Variants in NPAS2 observed in about 807,000 individuals in gnomAD.
NPAS2 encodes the protein neuronal PAS domain-containing protein 2.
NPAS2 carries 23 observed loss-of-function variants against 107.5 expected under a neutral mutation model. The ratio of observed to expected loss-of-function variants is 0.21; its 90% CI spans 0.15 to 0.30. The LOEUF is 0.30. Among genes scored for constraint, NPAS2 ranks in the 10% least tolerant of loss-of-function variants. The pLI is 1.00. For synonymous variants in NPAS2, 403 were observed against 417.5 expected (o/e 0.97, Z 0.42); for missense variants, 756 against 1,043.3 (o/e 0.72, Z 3.79).
chr2:100,980,508 T>C (rs994359909), intron 15 of NPAS2, among the ~76,000 whole-genome samples: 3 of 152,102 alleles, frequency 2.0e-5, no homozygotes, highest in Non-Finnish European at 4.4e-5. Context: ...CTCACTCTGT[T>C]GCCCAGGCTG....
chr2:100,974,938 C>T lies in NPAS2; in HGVS notation c.1276C>T (p.Pro426Ser). 1 of 1,613,908 alleles carries T rather than the reference C, an allele frequency of 6.2e-7. No homozygotes were observed. Among genetic ancestry groups the T allele is most frequent in the Non-Finnish European group, 8.5e-7 (1 of 1,179,858 alleles). ...HKSSHTAMSE[P>S]TSTPTKLMAE... Reference sequence around the variant, plus strand: ...ATCCTCGCACACAGCCATGTCAGAACCCACCTGTGAGTGCGAGTCCATGGA... The same window carrying T: ...ATCCTCGCACACAGCCATGTCAGAATCCACCTGTGAGTGCGAGTCCATGGA... The change falls in exon 13 of 21, where the codon CCC (proline) becomes TCC (serine). Residue 426 changes from proline (P) to serine (S), a missense_variant. Transcript: ENST00000335681.
intron 12 of NPAS2, among the ~76,000 whole-genome samples, chr2:100,974,264 C>A (rs1467127127): frequency 2.0e-5 from 3 of 152,226 alleles, no homozygotes; most frequent in African/African-American, 7.2e-5. Context: ...GCAGAGACAT[C>A]CTGGGAGCCA....
intron 1 of NPAS2, among the ~76,000 whole-genome samples, chr2:100,856,948 G>A (rs1678611728): frequency 6.6e-6 from 1 of 152,208 alleles, no homozygotes; most frequent in South Asian, 2.1e-4. Context: ...GTGCATTTCT[G>A]CCAGAATTGG....
chr2:100,833,277 G>A (rs181332313), intron 1 of NPAS2, among the ~76,000 whole-genome samples: 23 of 152,282 alleles, frequency 1.5e-4, no homozygotes, highest in East Asian at 1.4e-3. Context: ...CAGTTTCTTC[G>A]TCTGTGAAAG....
At chr2:100,982,156 G>A (rs745883730) in intron 15 of NPAS2, 75 bp from the exon 16 acceptor site, 27 of 1,550,514 alleles carry the variant, frequency 1.7e-5, no homozygotes, top group South Asian at 1.3e-4. Context: ...TGTACAGACC[G>A]AGCAGCAGCA....
At chr2:100,979,732 G>C (rs904581370) in intron 15 of NPAS2, among the ~76,000 whole-genome samples, 1 of 151,944 alleles carries the variant, frequency 6.6e-6, no homozygotes, top group African/African-American at 2.4e-5. Context: ...GTTTCGCTGT[G>C]TTGGCCAGGC....
intron 20 of NPAS2, 42 bp downstream of exon 20, chr2:100,993,569 G>T: frequency 1.4e-6 from 2 of 1,403,354 alleles, no homozygotes. Context: ...AGGCCTGGGA[G>T]CCGGGCCACG....
intron 1 of NPAS2, among the ~76,000 whole-genome samples, chr2:100,830,572 G>C (rs952220794): frequency 6.6e-6 from 1 of 151,562 alleles, no homozygotes; most frequent in Non-Finnish European, 1.5e-5. Context: ...AACATGCGGT[G>C]TTTGGTTTTC....
rs1228821245 is a variant in NPAS2 at position 100,990,332 on chromosome 2, G to C, written c.1904G>C (p.Ser635Thr). The part of the protein sequence containing the change: ...RSGSSLVSPF[S>T]SATAALPPSL... ...GGAAGCAGCCTAGTGTCCCCGTTCA[G>C]CAGCGCCACAGCTGCGCTCCCGCCA... Residue 635 changes from serine to threonine, a missense_variant, in exon 18 of 21, where the codon AGC becomes ACC. Around this residue, in one of 4 missense-constraint regions of NPAS2, gnomAD observed 496 missense variants for 594.4 expected, o/e 0.83. Transcript: ENST00000335681. The C allele has an allele frequency of 6.2e-7, 1 of 1,614,156 alleles. No individual in the cohort carries two copies. The highest frequency in any genetic ancestry group is 1.7e-5 in the Admixed American group (1 of 60,024).
intron 1 of NPAS2, among the ~76,000 whole-genome samples, chr2:100,876,026 A>G (rs947167656): frequency 6.6e-6 from 1 of 152,156 alleles, no homozygotes; most frequent in African/African-American, 2.4e-5. Context: ...CTGTTATCCC[A>G]TTACACTCCA....
chr2:100,829,762 AT>A (rs1330133290), intron 1 of NPAS2, among the ~76,000 whole-genome samples: 1 of 152,166 alleles, frequency 6.6e-6, no homozygotes, highest in African/African-American at 2.4e-5. Context: ...CTCTTAAAAC[AT>A]TTTCAATTCT....
chr2:100,969,593 A>G (rs955395690), intron 11 of NPAS2, among the ~76,000 whole-genome samples: 2 of 152,264 alleles, frequency 1.3e-5, no homozygotes, highest in Middle Eastern at 3.4e-3. Context: ...TTGAAATTTC[A>G]TATGCATTTC....
At chr2:100,882,332 G>C (rs776742184) in intron 1 of NPAS2, among the ~76,000 whole-genome samples, 1 of 152,164 alleles carries the variant, frequency 6.6e-6, no homozygotes, top group Admixed American at 6.5e-5. Context: ...ACAAACAGCC[G>C]GGCGCAGTGG....
chr2:100,832,463 G>A (rs1364189172), intron 1 of NPAS2, among the ~76,000 whole-genome samples: 1 of 152,178 alleles, frequency 6.6e-6, no homozygotes, highest in East Asian at 1.9e-4. Context: ...CATGTTCCCG[G>A]TGCTCTGTGA....
At chr2:100,824,528 A>G (rs924504757) in intron 1 of NPAS2, among the ~76,000 whole-genome samples, 2 of 152,312 alleles carry the variant, frequency 1.3e-5, no homozygotes, top group Admixed American at 6.5e-5. Context: ...ACTTTCCAGG[A>G]TCAAAGCCAT....
At chr2:100,847,958 T>C (rs573541119) in intron 1 of NPAS2, among the ~76,000 whole-genome samples, 3 of 152,274 alleles carry the variant, frequency 2.0e-5, no homozygotes, top group East Asian at 3.9e-4. Flanking sequence ...AAAGACACTG[T>C]GAATATATGT....
chr2:100,956,518 T>C (rs893583671), intron 7 of NPAS2, among the ~76,000 whole-genome samples: 1 of 152,248 alleles, frequency 6.6e-6, no homozygotes, highest in Non-Finnish European at 1.5e-5. Flanking sequence ...TCTAGCTGTA[T>C]CCATGTTGCC....
At chr2:100,917,671 T>C (rs962923358) in intron 2 of NPAS2, among the ~76,000 whole-genome samples, 1 of 152,178 alleles carries the variant, frequency 6.6e-6, no homozygotes, top group Non-Finnish European at 1.5e-5. Context: ...AAGGAAATAC[T>C]ATGAACAATT....
intron 1 of NPAS2, among the ~76,000 whole-genome samples, chr2:100,888,553 T>A (rs190240768): frequency 2.0e-5 from 3 of 152,330 alleles, no homozygotes; most frequent in Admixed American, 2.0e-4. Flanking sequence ...ACCCCATAGT[T>A]ACTACCTTTA....
Sources: allele counts gnomAD v4.1 joint callset (sites outside exome capture counted in the v4.1 genomes callset), GRCh38; gene constraint gnomAD v4.1.1; regional missense constraint gnomAD v4.1.1; transcripts MANE v1.5; gene names NCBI Gene and HGNC (gene_info 2026-07-23, HGNC 2026-07-21).